TRPM7: variants seen among roughly 807,000 people sequenced by gnomAD.
The protein encoded by TRPM7 is LTRPC ion channel family member 7.
In TRPM7, 134 loss-of-function variants were observed where a neutral mutation model predicts 229.7. That is an observed-to-expected ratio of 0.58 (90% CI 0.51 to 0.67). TRPM7 has a LOEUF of 0.67. Among genes scored for constraint, TRPM7 ranks in the 30% least tolerant of loss-of-function variants. The pLI, the probability that TRPM7 is intolerant of heterozygous loss-of-function variation, is 0.00. For missense variants in TRPM7, 1,901 were observed against 2,210.0 expected, an observed-to-expected ratio of 0.86 and a Z score of 2.80; for synonymous variants, 699 against 715.2, an observed-to-expected ratio of 0.98 and a Z score of 0.36.
chr15:50,593,511 T>C (rs999285542), intron 25 of TRPM7, 106 bp downstream of exon 25: 43 of 1,204,424 alleles, frequency 3.6e-5, no homozygotes, highest in Admixed American at 1.3e-4. Flanking sequence ...ACTGTAACTA[T>C]GCTTATTGTT....
chr15:50,569,484 G>C (rs562000605), intron 38 of TRPM7, among the ~76,000 whole-genome samples: 16 of 152,106 alleles, frequency 1.1e-4, no homozygotes, highest in Non-Finnish European at 2.1e-4. Flanking sequence ...TTTGAGTTAA[G>C]GGACCTGCTT....
At chr15:50,577,537 GAGCAAGACTCCTTCTCA>G (rs2054194055) in intron 31 of TRPM7, among the ~76,000 whole-genome samples, 1 of 152,124 alleles carries the variant, frequency 6.6e-6, no homozygotes, top group Non-Finnish European at 1.5e-5. Flanking sequence ...CTGGACGACA[GAGCAAGACTCCTTCTCA>G]CCCGGGGGCA....
At chr15:50,582,988 G>T in intron 29 of TRPM7, 101 bp downstream of exon 29, 2 of 873,704 alleles carry the variant, frequency 2.3e-6, no homozygotes, top group Non-Finnish European at 3.2e-6. Context: ...AAATTTTTTT[G>T]AATTTTTGAT....
At chr15:50,579,458 A>G (rs2054295384) in intron 30 of TRPM7, among the ~76,000 whole-genome samples, 1 of 152,202 alleles carries the variant, frequency 6.6e-6, no homozygotes, top group Non-Finnish European at 1.5e-5. Context: ...TTTGAACCTA[A>G]CATCATTCCT....
chr15:50,663,103 A>T (rs2061776154), intron 1 of TRPM7, 57 bp from the exon 2 acceptor site: 3 of 1,352,790 alleles, frequency 2.2e-6, no homozygotes, highest in Non-Finnish European at 3.1e-6. Flanking sequence ...ATAAGAAGGA[A>T]ACAATTTCAT....
intron 19 of TRPM7, 86 bp from the exon 20 acceptor site, chr15:50,607,414 C>T: frequency 8.3e-7 from 1 of 1,201,688 alleles, no homozygotes; most frequent in South Asian, 1.7e-5. Flanking sequence ...CACACAAAAA[C>T]AGACATTAAA....
At chr15:50,572,820 A>C (rs1458279845) in intron 36 of TRPM7, among the ~76,000 whole-genome samples, 2 of 152,236 alleles carry the variant, frequency 1.3e-5, no homozygotes, top group African/African-American at 4.8e-5. Context: ...TTTTATATTT[A>C]TACCTGTACA....
intron 31 of TRPM7, among the ~76,000 whole-genome samples, chr15:50,577,022 G>C (rs1251012298): frequency 3.9e-5 from 6 of 152,078 alleles, no homozygotes; most frequent in Non-Finnish European, 7.4e-5. Context: ...AGAGGTGGGA[G>C]GAATGCTTGA....
intron 20 of TRPM7, among the ~76,000 whole-genome samples, chr15:50,605,415 T>C (rs1055207928): frequency 6.6e-6 from 1 of 152,212 alleles, no homozygotes; most frequent in Non-Finnish European, 1.5e-5. Flanking sequence ...ACCTGGATTG[T>C]AAAATACTTT....
In TRPM7 at chr15:50,561,644, T is replaced by A; in HGVS notation, c.*34A>T. 6.2e-7 allele frequency: 1 copy of A among 1,601,726 alleles called. No individual in the cohort carries two copies. The highest frequency in any genetic ancestry group is 8.5e-7 in the Non-Finnish European group (1 of 1,176,616). On this transcript the variant is annotated 3_prime_UTR_variant, in exon 39 of 39. Coordinates refer to ENST00000646667, the MANE Select transcript of TRPM7 (RefSeq NM_017672.6). ...GTGACACAGTAACATTTCTGTGAGG[T>A]GCAGGCAAAACCAATGATTCAGTAA... is the stretch of plus-strand genomic sequence containing the variant.
At chr15:50,643,291 A>G in intron 5 of TRPM7, 49 bp downstream of exon 5, 1 of 1,541,414 alleles carries the variant, frequency 6.5e-7, no homozygotes, top group African/African-American at 1.4e-5. Flanking sequence ...CCGTCTCAAA[A>G]AAAAAAATTA....
chr15:50,589,951 G>A (rs530667447), intron 26 of TRPM7, among the ~76,000 whole-genome samples: 30 of 152,074 alleles, frequency 2.0e-4, no homozygotes, highest in South Asian at 6.2e-4. Flanking sequence ...TCTGCCTCCC[G>A]GGTTCAAGCA....
Position 50,619,779 on chromosome 15 carries a change from G to A in TRPM7, c.1460C>T (p.Pro487Leu). ...GTCTCGAACAAGATGAAACAGCATTGGATTAGTTGGACCTTGTTTCTTTAG... is the reference window on the plus strand; with the variant it reads ...GTCTCGAACAAGATGAAACAGCATTAGATTAGTTGGACCTTGTTTCTTTAG... Reference protein sequence around the residue: ...LYNTKQGPTNPMLFHLVRDVK... With the variant: ...LYNTKQGPTNLMLFHLVRDVK... Residue 487 changes from proline (P) to leucine (L), a missense_variant, in exon 13 of 39, where the codon CCA becomes CTA. Coordinates refer to ENST00000646667, the MANE Select transcript of TRPM7 (RefSeq NM_017672.6). 1 of 1,598,992 alleles carries A rather than the reference G, an allele frequency of 6.3e-7. No homozygotes were observed. Among genetic ancestry groups the A allele is most frequent in the Non-Finnish European group, 8.5e-7 (1 of 1,175,532 alleles).
chr15:50,575,178 T>C (rs772462579), intron 33 of TRPM7, 43 bp from the exon 34 acceptor site: 5 of 1,498,562 alleles, frequency 3.3e-6, no homozygotes, highest in East Asian at 2.3e-5. Flanking sequence ...ATTGTGACTT[T>C]TTAAAAACGA....
intron 15 of TRPM7, 104 bp from the exon 16 acceptor site, chr15:50,612,933 A>G: frequency 1.1e-6 from 1 of 928,164 alleles, no homozygotes; most frequent in Non-Finnish European, 1.6e-6. Context: ...CAGCTCCATA[A>G]AACTGCACAA....
chr15:50,657,080 T>C (rs1052318994), intron 3 of TRPM7, among the ~76,000 whole-genome samples: 7 of 152,230 alleles, frequency 4.6e-5, no homozygotes, highest in South Asian at 4.2e-4. Flanking sequence ...TCCTAGCACT[T>C]TGGGAGGCCG....
At chr15:50,683,434 A>AT (rs1033068966) in intron 1 of TRPM7, among the ~76,000 whole-genome samples, 3 of 151,186 alleles carry the variant, frequency 2.0e-5, no homozygotes, top group Non-Finnish European at 4.4e-5. Flanking sequence ...CAATCTTAAC[A>AT]TTTAAAAAAA....
chr15:50,680,083 T>C (rs1468257192), intron 1 of TRPM7, among the ~76,000 whole-genome samples: 1 of 151,532 alleles, frequency 6.6e-6, no homozygotes, highest in Non-Finnish European at 1.5e-5. Context: ...AAAATACAAA[T>C]ATTAGCTGGG....
chr15:50,576,284 G>A (rs1373684226), intron 31 of TRPM7, among the ~76,000 whole-genome samples: 1 of 152,124 alleles, frequency 6.6e-6, no homozygotes, highest in Non-Finnish European at 1.5e-5. Flanking sequence ...GGTCTACCAT[G>A]AGAAGATGAA....
Sources: allele counts gnomAD v4.1 joint callset (sites outside exome capture counted in the v4.1 genomes callset), GRCh38; gene constraint gnomAD v4.1.1; transcripts MANE v1.5; gene names NCBI Gene and HGNC (gene_info 2026-07-23, HGNC 2026-07-21).